MBD5: variants seen among roughly 807,000 people sequenced by gnomAD.
MBD5 encodes methyl-CpG-binding domain protein 5.
Under a neutral mutation model 117.3 loss-of-function variants are expected in MBD5, and 13 were observed. The ratio of observed to expected loss-of-function variants is 0.11; its 90% CI spans 0.07 to 0.18. The LOEUF (loss-of-function observed/expected upper bound fraction) is 0.18, where lower values mean the gene tolerates loss of function less well. MBD5 is among the 10% of genes least tolerant of loss of function. The probability of loss-of-function intolerance (pLI) is 1.00; values close to 1 mark genes in which losing one functional copy is unlikely to be tolerated. For synonymous variants in MBD5, 727 were observed against 766.4 expected, an observed-to-expected ratio of 0.95 and a Z score of 0.85; for missense variants, 1,879 against 2,093.8, an observed-to-expected ratio of 0.90 and a Z score of 2.00.
At chr2:148,420,662 A>C (rs1045965475) in intron 4 of MBD5, among the ~76,000 whole-genome samples, 1 of 152,112 alleles carries the variant, frequency 6.6e-6, no homozygotes, top group Admixed American at 6.5e-5. Flanking sequence ...AGCCAGGTCC[A>C]GCTCTACCCA....
chr2:148,469,356 T>C lies in MBD5; in HGVS notation c.1413T>C (p.Asn471=). The change falls in exon 8 of 14, where the codon AAT becomes AAC. Residue 471 remains asparagine (N), a synonymous_variant. Transcript: ENST00000642680. ...RSSSTSSDHG[N]FMMPPVGPQA... ...CTTCCACATCATCAGATCATGGAAA[T>C]TTCATGATGCCACCTGTAGGACCCC... 6.2e-7 allele frequency: 1 copy of C among 1,613,670 alleles called. No individual in the cohort carries two copies. The highest frequency in any genetic ancestry group is 8.5e-7 in the Non-Finnish European group (1 of 1,179,916).
At chr2:148,424,593 A>AC (rs1293571903) in intron 4 of MBD5, among the ~76,000 whole-genome samples, 1 of 152,108 alleles carries the variant, frequency 6.6e-6, no homozygotes, top group African/African-American at 2.4e-5. Context: ...TCTTCTCACC[A>AC]CCACATCACA....
intron 4 of MBD5, among the ~76,000 whole-genome samples, chr2:148,345,705 T>C (rs114886302): frequency 0.01 from 1,510 of 148,976 alleles, 12 homozygotes; most frequent in African/African-American, 0.034. Context: ...ATGTATTATA[T>C]ATATTATATA....
At chr2:148,411,262 A>T (rs1484803235) in intron 4 of MBD5, among the ~76,000 whole-genome samples, 3 of 152,012 alleles carry the variant, frequency 2.0e-5, no homozygotes, top group African/African-American at 7.2e-5. Flanking sequence ...TCTACTATTG[A>T]TGGGTATTTA....
chr2:148,490,468 A>C lies in MBD5; in HGVS notation c.4836A>C (p.Arg1612Ser). Residue 1612 changes from arginine (R) to serine (S), a missense_variant, in exon 11 of 14, where the codon AGA (arginine) becomes AGC (serine). By Grantham distance (110) the Arg-to-Ser change is moderately radical. Coordinates refer to ENST00000642680, the MANE Select transcript of MBD5 (RefSeq NM_001378120.1). ...CTTCAAATGAATTGATACATTATAGACCAAGGACGTTCAATGTTGGCGACT... is the reference window on the plus strand; with the variant it reads ...CTTCAAATGAATTGATACATTATAGCCCAAGGACGTTCAATGTTGGCGACT... ...SPSSNELIHY[R>S]PRTFNVGDLV... is the part of the protein sequence containing the mutation. 6.2e-7 allele frequency: 1 copy of C among 1,614,178 alleles called. No individual in the cohort carries two copies. The highest frequency in any genetic ancestry group is 8.5e-7 in the Non-Finnish European group (1 of 1,180,026).
At chr2:148,212,069 A>C (rs1349053098) in intron 2 of MBD5, among the ~76,000 whole-genome samples, 1 of 152,186 alleles carries the variant, frequency 6.6e-6, no homozygotes, top group Non-Finnish European at 1.5e-5. Context: ...TTTTTTAAAG[A>C]AAAGAACAGC....
chr2:148,514,465 G>T lies in MBD5; in HGVS notation c.*1524G>T, dbSNP rs1001985339. Reference sequence around the variant, plus strand: ...CAGTTGATGGATTGTCAAAAGAAGGGATCTATTATCCCTTTATTCTTGGAA... The same window carrying T: ...CAGTTGATGGATTGTCAAAAGAAGGTATCTATTATCCCTTTATTCTTGGAA... On this transcript the variant is annotated 3_prime_UTR_variant, in exon 14 of 14. Transcript: ENST00000642680. 6.6e-6 allele frequency: 1 copy of T among 152,150 alleles called. No homozygotes were observed. Among genetic ancestry groups the T allele is most frequent in the African/African-American group, 2.4e-5 (1 of 41,418 alleles). 9.4% of individuals were successfully genotyped at this position (152,150 alleles called of 1,614,324 possible).
chr2:148,429,238 T>TG (rs1190334141), intron 4 of MBD5, among the ~76,000 whole-genome samples: 1 of 151,642 alleles, frequency 6.6e-6, no homozygotes, highest in East Asian at 1.9e-4. Flanking sequence ...AACAAACATA[T>TG]GAAAAAAAAG....
At chr2:148,075,881 A>T (rs569762185) in intron 1 of MBD5, among the ~76,000 whole-genome samples, 1 of 152,288 alleles carries the variant, frequency 6.6e-6, no homozygotes, top group South Asian at 2.1e-4. Context: ...ATATAATTAA[A>T]ATTCCACAGC....
At chr2:148,433,357 G>A (rs1706050374) in intron 4 of MBD5, among the ~76,000 whole-genome samples, 1 of 152,066 alleles carries the variant, frequency 6.6e-6, no homozygotes. Flanking sequence ...TCTCTTTACT[G>A]ATTGCCCTGG....
chr2:148,239,250 A>T (rs1350792233), intron 3 of MBD5, among the ~76,000 whole-genome samples: 1 of 152,112 alleles, frequency 6.6e-6, no homozygotes, highest in Non-Finnish European at 1.5e-5. Flanking sequence ...CATTTCTTGG[A>T]CATCGACAGT....
chr2:148,476,091 A>G (rs1017169275), intron 8 of MBD5, among the ~76,000 whole-genome samples: 2 of 152,194 alleles, frequency 1.3e-5, no homozygotes, highest in African/African-American at 4.8e-5. Context: ...GGAAGTCCGT[A>G]TTATCTATCC....
At chr2:148,031,459 A>G (rs57347579) in intron 1 of MBD5, among the ~76,000 whole-genome samples, 4,108 of 152,200 alleles carry the variant, frequency 0.027, 123 homozygotes, top group African/African-American at 0.058. Context: ...AGGGTAATTC[A>G]GGTAAAGACA....
At chr2:148,315,725 C>T (rs1275831481) in intron 3 of MBD5, among the ~76,000 whole-genome samples, 1 of 152,134 alleles carries the variant, frequency 6.6e-6, no homozygotes, top group South Asian at 2.1e-4. Flanking sequence ...ACATGCCCAC[C>T]ATGTACCAGG....
chr2:148,425,129 A>G (rs1402005516), intron 4 of MBD5, among the ~76,000 whole-genome samples: 1 of 152,136 alleles, frequency 6.6e-6, no homozygotes. Context: ...AAATAGATAG[A>G]CCACTAGCCA....
chr2:148,427,279 C>T (rs1322451332), intron 4 of MBD5, among the ~76,000 whole-genome samples: 52 of 152,076 alleles, frequency 3.4e-4, no homozygotes, highest in Admixed American at 2.4e-3. Context: ...AAACACCATT[C>T]GACCCAGCCA....
chr2:148,369,474 T>G (rs933965953), intron 4 of MBD5, among the ~76,000 whole-genome samples: 4 of 152,160 alleles, frequency 2.6e-5, no homozygotes, highest in African/African-American at 4.8e-5. Flanking sequence ...ATTGGAACAT[T>G]GCTCCAGTTT....
At chr2:148,154,221 G>C (rs1245937341) in intron 1 of MBD5, among the ~76,000 whole-genome samples, 27 of 151,824 alleles carry the variant, frequency 1.8e-4, no homozygotes. Flanking sequence ...GTCTGCCCCT[G>C]CTGGGGGGTG....
chr2:148,144,624 A>G (rs572133657), intron 1 of MBD5, among the ~76,000 whole-genome samples: 2 of 152,328 alleles, frequency 1.3e-5, no homozygotes, highest in South Asian at 2.1e-4. Flanking sequence ...TAATTTTTGT[A>G]TAAGGTGTAA....
Sources: allele counts gnomAD v4.1 joint callset (sites outside exome capture counted in the v4.1 genomes callset), GRCh38; gene constraint gnomAD v4.1.1; transcripts MANE v1.5; gene names NCBI Gene and HGNC (gene_info 2026-07-23, HGNC 2026-07-21).